EIPR1: variants seen among roughly 807,000 people sequenced by gnomAD.
EIPR1 encodes the protein EARP complex and GARP complex interacting protein 1.
In EIPR1, 25 loss-of-function variants were observed where a neutral mutation model predicts 48.1. That is an observed-to-expected ratio of 0.52 (90% CI 0.38 to 0.73). The LOEUF is 0.73. Ranked by LOEUF, EIPR1 falls within the 30% of genes least tolerant of loss-of-function variation. The pLI is 0.00. For missense variants in EIPR1, 415 were observed against 506.2 expected, an observed-to-expected ratio of 0.82 and a Z score of 1.73; for synonymous variants, 204 against 201.9, an observed-to-expected ratio of 1.01 and a Z score of -0.09.
rs1665022049 is a variant in EIPR1, at chr2:3,201,179, C to T, written c.517-4162G>A. ...CACTCCGGCCTGGCTCCCGTATGTG[C>T]ACAGGGCAGGAGGCAAAAGCGCCGG... On this transcript the variant is annotated intron_variant, in intron 5 of 8. Transcript: ENST00000382125. 1.3e-5 allele frequency among the ~76,000 whole-genome samples: 2 copies of T among 152,176 alleles called. 1 individual carries two copies. The highest frequency in any genetic ancestry group is 4.8e-5 in the African/African-American group (2 of 41,450).
At chr2:3,266,981 G>C (rs1029284493) in intron 3 of EIPR1, among the ~76,000 whole-genome samples, 1 of 152,198 alleles carries the variant, frequency 6.6e-6, no homozygotes, top group Non-Finnish European at 1.5e-5. Context: ...CTTGGGGAAG[G>C]ACCCGTGGCT....
At position 3,338,264 on chromosome 2, in the gene EIPR1, T is replaced by C. The variant is rs114271593; in HGVS notation, c.127-115A>G. The C allele has an allele frequency of 5.4e-3, 6,600 of 1,231,752 alleles. 36 individuals are homozygous for C. Among genetic ancestry groups the C allele is most frequent in the Non-Finnish European group, 6.8e-3 (6,062 of 893,034 alleles). 76.3% of individuals were successfully genotyped at this position (1,231,752 alleles called of 1,614,324 possible). A position where few individuals can be genotyped will look rare whatever the true frequency, so the allele number is the denominator to read the frequency against. ...GCACATTTCGTGACAGATACATCTT[T>C]AGTTAATTGTTATTATGCCAACAGT... On this transcript the variant is annotated intron_variant, in intron 2 of 8. Transcript: ENST00000382125.
intron 4 of EIPR1, among the ~76,000 whole-genome samples, chr2:3,246,431 C>T (rs1666795995): frequency 6.6e-6 from 1 of 152,214 alleles, no homozygotes; most frequent in Admixed American, 6.5e-5. Context: ...TGCCTCAATA[C>T]CGCCTTCTGT....
At chr2:3,214,329 C>T in intron 4 of EIPR1, 81 bp from the exon 5 acceptor site, 1 of 1,287,546 alleles carries the variant, frequency 7.8e-7, no homozygotes, top group Non-Finnish European at 1.1e-6. Flanking sequence ...GATACATGTT[C>T]TTCATGACGC....
At chr2:3,318,485 T>C (rs1272612775) in intron 3 of EIPR1, among the ~76,000 whole-genome samples, 1 of 152,036 alleles carries the variant, frequency 6.6e-6, no homozygotes, top group Non-Finnish European at 1.5e-5. Context: ...CTACAGAAAG[T>C]CAATGAGGAC....
At chr2:3,195,305 A>C in intron 6 of EIPR1, among the ~76,000 whole-genome samples, 1 of 151,960 alleles carries the variant, frequency 6.6e-6, no homozygotes. Context: ...GACTGAAATC[A>C]CTCCTGCATC....
intron 3 of EIPR1, among the ~76,000 whole-genome samples, chr2:3,303,373 A>G (rs1182338217): frequency 1.3e-5 from 2 of 152,168 alleles, no homozygotes; most frequent in Non-Finnish European, 2.9e-5. Context: ...CCCATCCAGC[A>G]CAAAGGAAGC....
At chr2:3,239,246 G>A (rs1376805506) in intron 4 of EIPR1, among the ~76,000 whole-genome samples, 1 of 152,120 alleles carries the variant, frequency 6.6e-6, no homozygotes, top group Non-Finnish European at 1.5e-5. Context: ...ATTACAGGTG[G>A]GTATGGGCCA....
At chr2:3,317,522 G>A (rs1018413575) in intron 3 of EIPR1, among the ~76,000 whole-genome samples, 16 of 152,216 alleles carry the variant, frequency 1.1e-4, no homozygotes, top group East Asian at 3.8e-4. Context: ...CGCATGAGGC[G>A]CTGACAGGCA....
chr2:3,375,445 A>T (rs1443525834), intron 1 of EIPR1, among the ~76,000 whole-genome samples: 2 of 152,212 alleles, frequency 1.3e-5, no homozygotes, highest in African/African-American at 4.8e-5. Flanking sequence ...CAAAGATACA[A>T]TACTGAAGAT....
At chr2:3,221,024 C>CAT in intron 4 of EIPR1, among the ~76,000 whole-genome samples, 1 of 50,334 alleles carries the variant, frequency 2.0e-5, no homozygotes, top group Non-Finnish European at 4.0e-5. Context: ...ACACAATGGC[C>CAT]GACGTACACT....
intron 3 of EIPR1, among the ~76,000 whole-genome samples, chr2:3,258,423 C>G (rs866592868): frequency 9.2e-5 from 14 of 152,026 alleles, no homozygotes; most frequent in African/African-American, 3.4e-4. Context: ...TAATCATAAA[C>G]TAGCAAACAG....
chr2:3,317,560 G>C (rs568298065), intron 3 of EIPR1, among the ~76,000 whole-genome samples: 1 of 152,342 alleles, frequency 6.6e-6, no homozygotes, highest in South Asian at 2.1e-4. Flanking sequence ...TGTGAGGGTC[G>C]AGTCTAGATA....
intron 1 of EIPR1, among the ~76,000 whole-genome samples, chr2:3,365,122 T>G (rs1670941169): frequency 6.7e-6 from 1 of 148,842 alleles, no homozygotes; most frequent in Non-Finnish European, 1.5e-5. Context: ...TATGCATCAA[T>G]TTAAAAAATT....
chr2:3,294,061 A>T (rs961217847), intron 3 of EIPR1, among the ~76,000 whole-genome samples: 1 of 152,190 alleles, frequency 6.6e-6, no homozygotes, highest in Non-Finnish European at 1.5e-5. Context: ...CAAAATCAGT[A>T]AACAAAAAAT....
chr2:3,323,055 A>C (rs1669584637), intron 3 of EIPR1, among the ~76,000 whole-genome samples: 1 of 152,192 alleles, frequency 6.6e-6, no homozygotes. Flanking sequence ...CCGGAGATTC[A>C]GAAATTGGCA....
At chr2:3,282,052 A>G (rs879470) in intron 3 of EIPR1, among the ~76,000 whole-genome samples, 34,837 of 152,184 alleles carry the variant, frequency 0.23, 4,050 homozygotes, top group Non-Finnish European at 0.25. Flanking sequence ...CAATGCCACA[A>G]AAAAAGCTCA....
chr2:3,327,904 G>C, intron 3 of EIPR1, among the ~76,000 whole-genome samples: 1 of 151,938 alleles, frequency 6.6e-6, no homozygotes, highest in African/African-American at 2.4e-5. Context: ...CTGTCACCCA[G>C]GCTGGAGTGC....
chr2:3,342,738 T>C (rs963680680), intron 2 of EIPR1, among the ~76,000 whole-genome samples: 1 of 152,248 alleles, frequency 6.6e-6, no homozygotes, highest in African/African-American at 2.4e-5. Context: ...GGGGGATCCA[T>C]GTTCCTCCCA....
Sources: allele counts gnomAD v4.1 joint callset (sites outside exome capture counted in the v4.1 genomes callset), GRCh38; gene constraint gnomAD v4.1.1; transcripts MANE v1.5; gene names NCBI Gene and HGNC (gene_info 2026-07-23, HGNC 2026-07-21).